FHOD3: variants seen among roughly 807,000 people sequenced by gnomAD.
FHOD3 encodes the protein formin homology 2 domain containing 3, also known as FH1/FH2 domain-containing protein 3.
A neutral mutation model predicts 173.0 loss-of-function variants in FHOD3; 90 were observed. The observed-to-expected ratio is 0.52, with a 90% confidence interval of 0.44 to 0.62. The LOEUF is 0.62. Ranked by LOEUF, FHOD3 falls within the 20% of genes least tolerant of loss-of-function variation. FHOD3 has a pLI of 0.00. For synonymous variants in FHOD3, 828 were observed against 823.0 expected (o/e 1.01, Z -0.10); for missense variants, 1,945 against 2,034.7 (o/e 0.96, Z 0.85).
At chr18:36,715,537 ATCATTCCT>A (rs1318201476) in intron 18 of FHOD3, among the ~76,000 whole-genome samples, 6 of 152,142 alleles carry the variant, frequency 3.9e-5, no homozygotes, top group Non-Finnish European at 7.3e-5. Context: ...AACATTCCTG[ATCATTCCT>A]TCATTCATTC....
chr18:36,492,987 A>G (rs762424346), intron 3 of FHOD3, among the ~76,000 whole-genome samples: 1 of 151,872 alleles, frequency 6.6e-6, no homozygotes, highest in Non-Finnish European at 1.5e-5. Flanking sequence ...ATTTTCAGTT[A>G]CTCTTCTGCA....
intron 20 of FHOD3, among the ~76,000 whole-genome samples, chr18:36,733,415 A>C (rs2041472261): frequency 6.6e-6 from 1 of 152,230 alleles, no homozygotes; most frequent in Admixed American, 6.5e-5. Flanking sequence ...ATACGGAGAG[A>C]GGCTACAAAG....
chr18:36,416,872 C>G (rs912248668), intron 3 of FHOD3, among the ~76,000 whole-genome samples: 14 of 152,074 alleles, frequency 9.2e-5, no homozygotes, highest in African/African-American at 2.7e-4. Flanking sequence ...TCCTGCCAGC[C>G]CAGTCTCCTT....
At chr18:36,640,868 A>T (rs1366830574) in intron 10 of FHOD3, among the ~76,000 whole-genome samples, 1 of 152,192 alleles carries the variant, frequency 6.6e-6, no homozygotes, top group Non-Finnish European at 1.5e-5. Context: ...CCGTGCAGTG[A>T]TGAAAACAGT....
intron 5 of FHOD3, among the ~76,000 whole-genome samples, chr18:36,560,005 A>G (rs2058032736): frequency 6.6e-6 from 1 of 152,112 alleles, no homozygotes; most frequent in African/African-American, 2.4e-5. Flanking sequence ...TCTTTCTAGG[A>G]TCCCTGAAAT....
rs1555838751 is a variant in FHOD3 at position 36,754,976 on chromosome 18, T to TTA, written c.4233-142_4233-141insAT. On this transcript the variant is annotated intron_variant, in intron 24 of 28. Coordinates refer to ENST00000590592, the MANE Select transcript of FHOD3 (RefSeq NM_001281740.3). ...ACTGAGAGTGTGGCTTGTTGGTTTC[T>TTA]TTATTATTATTATTATTATTATTAT... 116 of 168,266 alleles carry TTA rather than the reference T, an allele frequency of 6.9e-4. 1 individual carries two copies. The highest frequency in any genetic ancestry group is 2.7e-3 in the African/African-American group (107 of 39,150). 10.4% of individuals were successfully genotyped at this position (168,266 alleles called of 1,614,324 possible).
chr18:36,508,817 G>A (rs112333228), intron 4 of FHOD3, among the ~76,000 whole-genome samples: 4 of 152,290 alleles, frequency 2.6e-5, no homozygotes, highest in African/African-American at 9.6e-5. Context: ...TAATAAGCAA[G>A]AGGGAGTAAC....
At chr18:36,449,674 G>A (rs1362220401) in intron 3 of FHOD3, among the ~76,000 whole-genome samples, 6 of 152,144 alleles carry the variant, frequency 3.9e-5, no homozygotes, top group Non-Finnish European at 8.8e-5. Context: ...TGCTTGGCAA[G>A]AATTCTTGGA....
chr18:36,703,839 G>T (rs2039720905), intron 17 of FHOD3, among the ~76,000 whole-genome samples: 1 of 152,156 alleles, frequency 6.6e-6, no homozygotes, highest in Admixed American at 6.5e-5. Context: ...ATCTGACGGG[G>T]CAGCCTTTAT....
chr18:36,663,075 G>A lies in FHOD3; in HGVS notation c.1835+4887G>A, dbSNP rs939153418. Among the ~76,000 whole-genome samples the A allele has an allele frequency of 3.3e-5, 5 of 152,046 alleles. No individual in the cohort carries two copies. In the East Asian group the frequency reaches 9.6e-4, roughly 29 times the overall value. The stretch of plus-strand genomic sequence containing the variant: ...ACCATGTAGAAACATTCAATTTCAT[G>A]AGTAAATCTTTTCTATTTTCATGAT... On this transcript the variant is annotated intron_variant, in intron 14 of 28. Coordinates refer to ENST00000590592, the MANE Select transcript of FHOD3 (RefSeq NM_001281740.3).
intron 1 of FHOD3, among the ~76,000 whole-genome samples, chr18:36,300,484 T>C (rs1644101470): frequency 6.6e-6 from 1 of 152,198 alleles, no homozygotes; most frequent in Admixed American, 6.5e-5. Context: ...CTGCTGTGAA[T>C]TAGCTATTGA....
rs190100216 is a variant in FHOD3, at chr18:36,402,890, C to T, written c.337+30146C>T. On this transcript the variant is annotated intron_variant, in intron 3 of 28. Coordinates refer to ENST00000590592, the MANE Select transcript of FHOD3 (RefSeq NM_001281740.3). ...ACACATAGCAGCATCTTTTGTTTCA[C>T]ATCTGCTGAGAGGCGTGTTTGCCTG... Among the ~76,000 whole-genome samples the T allele has an allele frequency of 2.4e-3, 367 of 152,374 alleles. 1 individual carries two copies. The highest frequency in any genetic ancestry group is 4.1e-3 in the Non-Finnish European group (282 of 68,042).
At chr18:36,448,994 G>A (rs910985204) in intron 3 of FHOD3, among the ~76,000 whole-genome samples, 2 of 151,462 alleles carry the variant, frequency 1.3e-5, no homozygotes, top group Admixed American at 6.6e-5. Context: ...ATTTCTCGGT[G>A]TCCCCTTTAT....
intron 3 of FHOD3, among the ~76,000 whole-genome samples, chr18:36,392,019 C>T (rs138697918): frequency 6.6e-6 from 1 of 152,356 alleles, no homozygotes; most frequent in Non-Finnish European, 1.5e-5. Context: ...CACGTAAGCT[C>T]TGGCTGTCCT....
At chr18:36,664,694 T>C (rs2037038823) in intron 14 of FHOD3, among the ~76,000 whole-genome samples, 1 of 151,912 alleles carries the variant, frequency 6.6e-6, no homozygotes, top group Non-Finnish European at 1.5e-5. Flanking sequence ...ATCTTTGCCA[T>C]GGTTTCCAGT....
Position 36,658,182 on chromosome 18 carries a change from T to G in FHOD3, c.1829T>G (p.Leu610Trp). 1 of 1,582,886 alleles carries G rather than the reference T, an allele frequency of 6.3e-7. No individual in the cohort carries two copies. Among genetic ancestry groups the G allele is most frequent in the Non-Finnish European group, 8.6e-7 (1 of 1,167,646 alleles). The change falls in exon 14 of 29, where the codon TTG (leucine) becomes TGG (tryptophan). Residue 610 changes from leucine to tryptophan, a missense_variant. Coordinates refer to ENST00000590592, the MANE Select transcript of FHOD3 (RefSeq NM_001281740.3). The stretch of plus-strand genomic sequence containing the variant: ...GTCTCACCCCCACAGGAGGCCAGGT[T>G]GGAAAGGTGAGTTCGACAAGCACGC... ...SSVSPPQEAR[L>W]ERSSPSGLLT...
intron 5 of FHOD3, among the ~76,000 whole-genome samples, chr18:36,524,325 A>T (rs944789412): frequency 1.3e-5 from 2 of 151,632 alleles, no homozygotes; most frequent in Admixed American, 6.6e-5. Flanking sequence ...GCGGGTGACT[A>T]GCATTCATGT....
chr18:36,759,274 T>G, intron 26 of FHOD3, 133 bp downstream of exon 26: 1 of 1,041,306 alleles, frequency 9.6e-7, no homozygotes. Context: ...TTTTTCTGGT[T>G]GGTTTTCGTG....
intron 3 of FHOD3, among the ~76,000 whole-genome samples, chr18:36,456,905 G>C (rs892020655): frequency 6.6e-6 from 1 of 152,146 alleles, no homozygotes; most frequent in Non-Finnish European, 1.5e-5. Context: ...TGATGTCTAA[G>C]TATTCACCTT....
Sources: gnomAD v4.1 joint callset for allele counts (sites outside exome capture counted in the v4.1 genomes callset) on GRCh38, gnomAD v4.1.1 for gene constraint, MANE v1.5 for transcripts, NCBI Gene and HGNC (gene_info 2026-07-23, HGNC 2026-07-21) for gene names.